The following FAT3 variants were observed in gnomAD, a reference collection of about 807,000 sequenced individuals.
FAT3 encodes the protein FAT atypical cadherin 3, also known as protocadherin Fat 3.
A neutral mutation model predicts 310.2 loss-of-function variants in FAT3; 95 were observed. The ratio of observed to expected loss-of-function variants is 0.31; its 90% CI spans 0.26 to 0.36. The LOEUF (loss-of-function observed/expected upper bound fraction) is 0.36, where lower values mean the gene tolerates loss of function less well. Ranked by LOEUF, FAT3 falls within the 10% of genes least tolerant of loss-of-function variation. The probability of loss-of-function intolerance (pLI) is 1.00; values close to 1 mark genes in which losing one functional copy is unlikely to be tolerated. For missense variants in FAT3, 5,408 were observed against 5,715.6 expected, an observed-to-expected ratio of 0.95 and a Z score of 1.74; for synonymous variants, 2,314 against 2,192.9, an observed-to-expected ratio of 1.06 and a Z score of -1.54.
intron 3 of FAT3, among the ~76,000 whole-genome samples, chr11:92,629,560 G>A (rs1332549293): frequency 6.6e-6 from 1 of 151,796 alleles, no homozygotes; most frequent in Non-Finnish European, 1.5e-5. Context: ...ATAGGCACGT[G>A]CCACCACATC....
chr11:92,294,735 C>A (rs993498104), intron 1 of FAT3, among the ~76,000 whole-genome samples: 1 of 150,206 alleles, frequency 6.7e-6, no homozygotes, highest in Non-Finnish European at 1.5e-5. Context: ...TTTTGTAAAC[C>A]ATGGAGATCC....
At chr11:92,510,634 T>C (rs1953260818) in intron 2 of FAT3, among the ~76,000 whole-genome samples, 2 of 152,210 alleles carry the variant, frequency 1.3e-5, no homozygotes, top group South Asian at 4.1e-4. Flanking sequence ...CTACAGAACA[T>C]CATGGCCAAG....
intron 24 of FAT3, among the ~76,000 whole-genome samples, chr11:92,884,571 A>C (rs1949757388): frequency 6.6e-6 from 1 of 152,200 alleles, no homozygotes; most frequent in African/African-American, 2.4e-5. Context: ...AGGAGGAAAC[A>C]GGAAGTTTTC....
Position 92,840,544 on chromosome 11 carries a change from A to G in FAT3, c.10369-18A>G. 2 of 1,548,516 alleles carry G rather than the reference A, an allele frequency of 1.3e-6. No homozygotes were observed. Among genetic ancestry groups the G allele is most frequent in the Non-Finnish European group, 1.8e-6 (2 of 1,138,618 alleles). ...TGTAATTTTTATCTTCATTTTTACT[A>G]TATACTCTTTTATGCAGGAAAATAA... On this transcript the variant is annotated intron_variant, in intron 17 of 27. Coordinates refer to ENST00000525166, the MANE Select transcript of FAT3 (RefSeq NM_001367949.2).
chr11:92,449,388 C>A (rs1951297076), intron 2 of FAT3, among the ~76,000 whole-genome samples: 1 of 152,136 alleles, frequency 6.6e-6, no homozygotes, highest in Non-Finnish European at 1.5e-5. Flanking sequence ...AGCATCTGAG[C>A]TCTGGGAGGG....
chr11:92,333,034 T>TA (rs1369717707), intron 1 of FAT3, among the ~76,000 whole-genome samples: 1 of 152,190 alleles, frequency 6.6e-6, no homozygotes, highest in Non-Finnish European at 1.5e-5. Context: ...ATCTCAGCGT[T>TA]AAAAAACTAG....
intron 18 of FAT3, among the ~76,000 whole-genome samples, chr11:92,842,644 G>T (rs1290277896): frequency 6.6e-6 from 1 of 152,178 alleles, no homozygotes; most frequent in Non-Finnish European, 1.5e-5. Flanking sequence ...GGCCAAGGCA[G>T]GAGGATTGCT....
chr11:92,512,179 AAT>A (rs1953313933), intron 2 of FAT3, among the ~76,000 whole-genome samples: 1 of 152,214 alleles, frequency 6.6e-6, no homozygotes, highest in African/African-American at 2.4e-5. Flanking sequence ...TATATATCTT[AAT>A]ATGTGACATA....
In FAT3 at chr11:92,798,469, C is replaced by T. The variant is rs1342809548; in HGVS notation, c.5456C>T (p.Thr1819Ile). The T allele has an allele frequency of 6.2e-7, 1 of 1,613,446 alleles. No homozygotes were observed. The highest frequency in any genetic ancestry group is 1.3e-5 in the African/African-American group (1 of 74,864). The change falls in exon 10 of 28, where the codon ACA (threonine) becomes ATA (isoleucine). Residue 1819 changes from threonine to isoleucine, a missense_variant. By Grantham distance (89) the Thr-to-Ile change is moderately conservative. Transcript: ENST00000525166. Reference protein sequence around the residue: ...ALLVYQIVESTAKKFFTVDSS... With the variant: ...ALLVYQIVESIAKKFFTVDSS... ...CTTGTGTATCAGATTGTGGAGTCAA[C>T]AGCAAAAAAGTTTTTCACGGTGGAC...
At position 92,443,799 on chromosome 11, in the gene FAT3, G is replaced by A. The variant is rs562292528; in HGVS notation, c.3293-80835G>A. ...TGAGGAGATGGTTACGAAGGAGGAGGTAGGAGGAGGAGTGAGGAGGAGGAG... is the reference window on the plus strand; with the variant it reads ...TGAGGAGATGGTTACGAAGGAGGAGATAGGAGGAGGAGTGAGGAGGAGGAG... On this transcript the variant is annotated intron_variant, in intron 2 of 27. Coordinates refer to ENST00000525166, the MANE Select transcript of FAT3 (RefSeq NM_001367949.2). 2.0e-5 allele frequency among the ~76,000 whole-genome samples: 3 copies of A among 152,240 alleles called. No individual in the cohort carries two copies. The South Asian group carries it at 6.2e-4, about 32-fold the overall frequency.
chr11:92,521,145 G>A (rs1953667646), intron 2 of FAT3, among the ~76,000 whole-genome samples: 1 of 152,104 alleles, frequency 6.6e-6, no homozygotes, highest in Admixed American at 6.5e-5. Context: ...GCTTTGGTGT[G>A]TGTGTGTGTG....
At chr11:92,554,061 C>T (rs1954920670) in intron 3 of FAT3, among the ~76,000 whole-genome samples, 1 of 152,060 alleles carries the variant, frequency 6.6e-6, no homozygotes, top group Non-Finnish European at 1.5e-5. Context: ...CCACCTTAGA[C>T]TCCCAAAGTG....
intron 2 of FAT3, among the ~76,000 whole-genome samples, chr11:92,397,720 C>T (rs1455571290): frequency 4.6e-5 from 7 of 152,110 alleles, no homozygotes; most frequent in South Asian, 2.1e-4. Flanking sequence ...TTCCATCCCC[C>T]GCTTGCGAAC....
intron 13 of FAT3, among the ~76,000 whole-genome samples, chr11:92,812,275 G>C (rs958165276): frequency 7.2e-5 from 11 of 152,184 alleles, no homozygotes; most frequent in Admixed American, 2.0e-4. Flanking sequence ...TGGAAGCTGA[G>C]TTTGCACATC....
At chr11:92,824,267 G>A (rs1948046161) in intron 13 of FAT3, among the ~76,000 whole-genome samples, 2 of 152,188 alleles carry the variant, frequency 1.3e-5, no homozygotes, top group Admixed American at 6.5e-5. Flanking sequence ...TGAGGCAGGA[G>A]AAACGCTTGA....
chr11:92,699,524 G>A (rs184255681), intron 4 of FAT3, among the ~76,000 whole-genome samples: 5 of 152,204 alleles, frequency 3.3e-5, no homozygotes, highest in South Asian at 2.1e-4. Context: ...CTTGGGATTC[G>A]AAATGTTTAG....
chr11:92,660,423 G>T (rs112102621), intron 3 of FAT3, among the ~76,000 whole-genome samples: 41 of 152,164 alleles, frequency 2.7e-4, no homozygotes, highest in African/African-American at 9.9e-4. Flanking sequence ...CTGGGGTAGG[G>T]GTGCCAGGGA....
rs1292914562 is a variant in FAT3 at position 92,840,649 on chromosome 11, A to G, written c.10456A>G (p.Ile3486Val). The G allele has an allele frequency of 6.2e-6, 10 of 1,612,852 alleles. No individual in the cohort carries two copies. Among genetic ancestry groups the G allele is most frequent in the Admixed American group, 1.7e-5 (1 of 59,968 alleles). ...FHNGPPFSFS[I>V]LSGNEEEEFV... The stretch of plus-strand genomic sequence containing the variant: ...CAATGGGCCTCCCTTTTCATTCTCT[A>G]TTTTGTCGGGAAATGAAGAGGAGGA... The change falls in exon 18 of 28, where the codon ATT becomes GTT. Residue 3486 changes from isoleucine to valine, a missense_variant. Physicochemically the swap from Ile to Val is conservative, Grantham distance 29. This residue lies in a region of FAT3 where 4,588 missense variants were observed against 4,809.8 expected (regional missense o/e 0.95). Transcript: ENST00000525166.
Position 92,887,081 on chromosome 11 carries a change from G to A in FAT3, c.13019G>A (p.Ser4340Asn), listed in dbSNP as rs1199403498. Residue 4340 changes from serine (S) to asparagine (N), a missense_variant, in exon 25 of 28, where the codon AGC becomes AAC. Ser to Asn is a conservative substitution (Grantham distance 46). Coordinates refer to ENST00000525166, the MANE Select transcript of FAT3 (RefSeq NM_001367949.2). Reference protein sequence around the residue: ...KGSNSEVQSLSSFQSDSGDDN... With the variant: ...KGSNSEVQSLNSFQSDSGDDN... Reference sequence around the variant, plus strand: ...AGCAACTCTGAAGTTCAGTCCCTCAGCTCCTTCCAGTCAGATTCTGGTGAC... The same window carrying A: ...AGCAACTCTGAAGTTCAGTCCCTCAACTCCTTCCAGTCAGATTCTGGTGAC... The A allele has an allele frequency of 6.2e-7, 1 of 1,611,762 alleles. No homozygotes were observed. Among genetic ancestry groups the A allele is most frequent in the East Asian group, 2.2e-5 (1 of 44,872 alleles).
Sources: gnomAD v4.1 joint callset for allele counts (sites outside exome capture counted in the v4.1 genomes callset) on GRCh38, gnomAD v4.1.1 for gene constraint, gnomAD v4.1.1 regional missense constraint, MANE v1.5 for transcripts, NCBI Gene and HGNC (gene_info 2026-07-23, HGNC 2026-07-21) for gene names.